Variants in KCNN2 observed in about 807,000 individuals in gnomAD.
KCNN2 encodes small conductance calcium-activated potassium channel protein 2.
KCNN2 carries 24 observed loss-of-function variants against 55.5 expected under a neutral mutation model. That is an observed-to-expected ratio of 0.43 (90% confidence interval 0.31 to 0.61). The LOEUF (loss-of-function observed/expected upper bound fraction) is 0.61, where lower values mean the gene tolerates loss of function less well. Among genes scored for constraint, KCNN2 ranks in the 20% least tolerant of loss-of-function variants. The pLI is 0.08. For missense variants in KCNN2, 754 were observed against 853.6 expected, an observed-to-expected ratio of 0.88 and a Z score of 1.45; for synonymous variants, 431 against 336.1, an observed-to-expected ratio of 1.28 and a Z score of -3.09.
At chr5:114,445,461 TTTAA>T (rs1466752782) in intron 3 of KCNN2, among the ~76,000 whole-genome samples, 1 of 152,168 alleles carries the variant, frequency 6.6e-6, no homozygotes, top group Non-Finnish European at 1.5e-5. Flanking sequence ...AAACAAACAC[TTTAA>T]TTAAATTGCA....
chr5:114,404,137 G>A (rs1758867909), intron 2 of KCNN2, among the ~76,000 whole-genome samples: 4 of 152,150 alleles, frequency 2.6e-5, no homozygotes, highest in Admixed American at 2.6e-4. Context: ...ATCTGAGGGG[G>A]TTTTCATGAC....
intron 2 of KCNN2, among the ~76,000 whole-genome samples, chr5:114,348,989 C>T (rs1757162361): frequency 7.9e-6 from 1 of 126,870 alleles, no homozygotes; most frequent in Non-Finnish European, 1.8e-5. Flanking sequence ...ACATAACCAT[C>T]ACCACACTCC....
chr5:114,171,056 T>C (rs1753022911), intron 1 of KCNN2, among the ~76,000 whole-genome samples: 1 of 152,046 alleles, frequency 6.6e-6, no homozygotes, highest in Admixed American at 6.6e-5. Flanking sequence ...GGTCTGACTT[T>C]TGAATACTGA....
At chr5:114,106,856 T>C (rs78347690) in intron 1 of KCNN2, among the ~76,000 whole-genome samples, 1,719 of 152,158 alleles carry the variant, frequency 0.011, 39 homozygotes, top group African/African-American at 0.039. Context: ...AATAACTTTT[T>C]ATGAACAGTT....
chr5:114,085,053 C>CATATATAT (rs57320559), intron 1 of KCNN2, among the ~76,000 whole-genome samples: 72 of 149,996 alleles, frequency 4.8e-4, no homozygotes, highest in South Asian at 2.3e-3. Flanking sequence ...TATATAGAGA[C>CATATATAT]ATATATATAT....
At chr5:114,402,527 G>A (rs900411432) in intron 2 of KCNN2, among the ~76,000 whole-genome samples, 1 of 152,194 alleles carries the variant, frequency 6.6e-6, no homozygotes, top group Non-Finnish European at 1.5e-5. Context: ...CTGGATTTTG[G>A]TGAAACATTG....
chr5:114,456,525 A>T (rs1760935825), intron 3 of KCNN2, among the ~76,000 whole-genome samples: 1 of 152,266 alleles, frequency 6.6e-6, no homozygotes, highest in Non-Finnish European at 1.5e-5. Flanking sequence ...TCTATTCTGC[A>T]GCACACAGAT....
At chr5:114,084,682 A>G (rs1231367727) in intron 1 of KCNN2, among the ~76,000 whole-genome samples, 2 of 152,052 alleles carry the variant, frequency 1.3e-5, no homozygotes, top group African/African-American at 4.8e-5. Flanking sequence ...AGTGCTACTT[A>G]TCAAATTTTT....
chr5:114,094,858 A>G (rs1343280409), intron 1 of KCNN2, among the ~76,000 whole-genome samples: 1 of 151,964 alleles, frequency 6.6e-6, no homozygotes, highest in Non-Finnish European at 1.5e-5. Context: ...TTTTTTGATG[A>G]CCATACAATG....
intron 3 of KCNN2, among the ~76,000 whole-genome samples, chr5:114,443,519 G>C (rs1760293909): frequency 6.6e-6 from 1 of 152,200 alleles, no homozygotes; most frequent in African/African-American, 2.4e-5. Flanking sequence ...TGCTTCCACA[G>C]TCTAAATCAG....
intron 2 of KCNN2, among the ~76,000 whole-genome samples, chr5:114,344,163 C>T (rs1041141675): frequency 9.9e-5 from 15 of 152,040 alleles, no homozygotes; most frequent in African/African-American, 3.4e-4. Context: ...CCAGGTTGGC[C>T]CAAACTTCTG....
intron 3 of KCNN2, among the ~76,000 whole-genome samples, chr5:114,408,641 G>T (rs1759018328): frequency 6.6e-6 from 1 of 152,044 alleles, no homozygotes; most frequent in South Asian, 2.1e-4. Context: ...TAAAAATTAT[G>T]CATAACAATG....
intron 1 of KCNN2, among the ~76,000 whole-genome samples, chr5:114,205,898 A>G (rs958611829): frequency 5.3e-5 from 8 of 152,326 alleles, no homozygotes; most frequent in African/African-American, 1.9e-4. Context: ...GGCAGACGGC[A>G]TGAAAAGGAC....
At chr5:114,347,841 G>T (rs1757138775) in intron 2 of KCNN2, among the ~76,000 whole-genome samples, 1 of 152,166 alleles carries the variant, frequency 6.6e-6, no homozygotes, top group Admixed American at 6.5e-5. Context: ...TCACCTCTAA[G>T]TGACCCTAGG....
At chr5:114,362,062 G>A (rs1265614064), upstream of KCNN2, 3 of 153,480 alleles carry the variant, frequency 2.0e-5, no homozygotes, top group Admixed American at 2.0e-4. Context: ...CCAGCAGCAG[G>A]AGTCCCCGCT....
intron 2 of KCNN2, among the ~76,000 whole-genome samples, chr5:114,252,756 A>C (rs963579370): frequency 7.3e-6 from 1 of 137,534 alleles, no homozygotes; most frequent in Non-Finnish European, 1.6e-5. Flanking sequence ...TGGTGTTTTC[A>C]TGGCACTCTG....
At chr5:114,345,139 T>A (rs1168650539) in intron 2 of KCNN2, among the ~76,000 whole-genome samples, 1 of 152,176 alleles carries the variant, frequency 6.6e-6, no homozygotes, top group South Asian at 2.1e-4. Context: ...ACTGTGTAAC[T>A]GTAAGAGTGA....
intron 1 of KCNN2, among the ~76,000 whole-genome samples, chr5:114,212,476 G>T (rs1753908104): frequency 1.3e-5 from 2 of 152,028 alleles, no homozygotes; most frequent in South Asian, 4.1e-4. Context: ...AAACAATCTT[G>T]TGAATGTACT....
chr5:114,166,148 C>T (rs997429416), intron 1 of KCNN2, among the ~76,000 whole-genome samples: 2 of 152,040 alleles, frequency 1.3e-5, no homozygotes, highest in Middle Eastern at 3.2e-3. Flanking sequence ...CCTCGGCCTC[C>T]CAAAGTGCTG....
Sources: allele counts gnomAD v4.1 joint callset (sites outside exome capture counted in the v4.1 genomes callset), GRCh38; gene constraint gnomAD v4.1.1; transcripts MANE v1.5; gene names NCBI Gene and HGNC (gene_info 2026-07-23, HGNC 2026-07-21).